The following PTN variants were observed in gnomAD, a reference collection of about 807,000 sequenced individuals.
PTN encodes heparin affin regulatory protein.
In PTN, 18 loss-of-function variants were observed where a neutral mutation model predicts 24.1. That is an observed-to-expected ratio of 0.75 (90% confidence interval 0.52 to 1.11). PTN has a LOEUF of 1.11. Among genes scored for constraint, PTN ranks in the 50% least tolerant of loss-of-function variants. PTN has a pLI of 0.00. For synonymous variants in PTN, 78 were observed against 68.6 expected (o/e 1.14, Z -0.67); for missense variants, 163 against 198.8 (o/e 0.82, Z 1.08).
intron 4 of PTN, among the ~76,000 whole-genome samples, chr7:137,231,780 A>G (rs559930735): frequency 1.3e-5 from 2 of 152,076 alleles, no homozygotes; most frequent in South Asian, 4.1e-4. Context: ...TTAAAGACAA[A>G]TATTTTATGA....
At position 137,324,337 on chromosome 7, in the gene PTN, C is replaced by T. The variant is rs939055289; in HGVS notation, c.-2+19102G>A. Among the ~76,000 whole-genome samples, 3 of 148,494 alleles carry T rather than the reference C, an allele frequency of 2.0e-5. No individual in the cohort carries two copies. The Admixed American group carries it at 2.0e-4, about 10-fold the overall frequency. ...CTAAGCCCAGGAGTGAATTCCTGGG[C>T]TCAAGCTGTAGTGTGCAATGATTAT... On this transcript the variant is annotated intron_variant, in intron 1 of 4. Transcript: ENST00000348225.
At chr7:137,329,233 G>T (rs529036656) in intron 1 of PTN, among the ~76,000 whole-genome samples, 1 of 152,290 alleles carries the variant, frequency 6.6e-6, no homozygotes, top group South Asian at 2.1e-4. Context: ...CAGCTATTAT[G>T]ACAGTATTAT....
intron 1 of PTN, among the ~76,000 whole-genome samples, chr7:137,273,154 G>C (rs1416445732): frequency 1.3e-5 from 2 of 152,210 alleles, no homozygotes; most frequent in East Asian, 3.9e-4. Flanking sequence ...CATTTGTAAG[G>C]TTTAGAACAG....
intron 1 of PTN, among the ~76,000 whole-genome samples, chr7:137,322,277 G>A (rs1362758496): frequency 6.6e-6 from 1 of 152,188 alleles, no homozygotes; most frequent in Non-Finnish European, 1.5e-5. Context: ...ATATTTGATT[G>A]AGGGAAGCAA....
In PTN at chr7:137,255,313, C is replaced by A. The variant is rs748897091; in HGVS notation, c.-1-339G>T. 4.6e-4 allele frequency among the ~76,000 whole-genome samples: 70 copies of A among 152,310 alleles called. 1 individual carries two copies. The highest frequency in any genetic ancestry group is 7.2e-4 in the Admixed American group (11 of 15,294). On this transcript the variant is annotated intron_variant, in intron 1 of 4. Coordinates refer to ENST00000348225, the MANE Select transcript of PTN (RefSeq NM_002825.7). Reference sequence around the variant, plus strand: ...AGTCCTACTGTCTTGCTGATAGCATCACTTGGTAATATCGACAACTACAGC... The same window carrying A: ...AGTCCTACTGTCTTGCTGATAGCATAACTTGGTAATATCGACAACTACAGC...
chr7:137,295,153 A>G (rs1809699578), intron 1 of PTN, among the ~76,000 whole-genome samples: 1 of 152,140 alleles, frequency 6.6e-6, no homozygotes, highest in Non-Finnish European at 1.5e-5. Flanking sequence ...AGACTCTATG[A>G]ACAGAAAAAG....
chr7:137,259,407 T>A (rs182859305), intron 1 of PTN, among the ~76,000 whole-genome samples: 1 of 152,216 alleles, frequency 6.6e-6, no homozygotes. Flanking sequence ...ACTTTTTGAG[T>A]GTCCTTGAAC....
intron 1 of PTN, among the ~76,000 whole-genome samples, chr7:137,286,395 C>A (rs1809554806): frequency 6.6e-6 from 1 of 152,206 alleles, no homozygotes; most frequent in African/African-American, 2.4e-5. Flanking sequence ...TTTCATTACA[C>A]TGAAAATCTC....
intron 1 of PTN, among the ~76,000 whole-genome samples, chr7:137,288,779 A>G (rs1809596816): frequency 6.6e-6 from 1 of 152,194 alleles, no homozygotes; most frequent in Non-Finnish European, 1.5e-5. Flanking sequence ...GTTATACATA[A>G]CGTATTCATT....
chr7:137,283,952 A>AT (rs753374720), intron 1 of PTN, among the ~76,000 whole-genome samples: 498 of 48,908 alleles, frequency 0.01, 140 homozygotes, highest in African/African-American at 0.029. Context: ...TGAGCATCAG[A>AT]TTTTTTTTTT....
In PTN at chr7:137,228,010, G is replaced by A; in HGVS notation, c.*10C>T. ...CTGATGTCCTTTTTATGTTCCACAGGTGACATCTTTTAATCCAGCATCTTC... is the reference window on the plus strand; with the variant it reads ...CTGATGTCCTTTTTATGTTCCACAGATGACATCTTTTAATCCAGCATCTTC... On this transcript the variant is annotated 3_prime_UTR_variant, in exon 5 of 5. Coordinates refer to ENST00000348225, the MANE Select transcript of PTN (RefSeq NM_002825.7). The A allele has an allele frequency of 6.2e-7, 1 of 1,608,414 alleles. No individual in the cohort carries two copies. Among genetic ancestry groups the A allele is most frequent in the Middle Eastern group, 1.7e-4 (1 of 6,020 alleles).
intron 1 of PTN, among the ~76,000 whole-genome samples, chr7:137,271,057 T>C (rs1166874741): frequency 6.6e-6 from 1 of 152,174 alleles, no homozygotes; most frequent in East Asian, 1.9e-4. Flanking sequence ...TTGATATTGT[T>C]CTCCCCATTC....
At chr7:137,278,247 C>A (rs1380153098) in intron 1 of PTN, among the ~76,000 whole-genome samples, 4 of 133,824 alleles carry the variant, frequency 3.0e-5, no homozygotes, top group African/African-American at 1.2e-4. Context: ...GCGGAGCTTG[C>A]AGTGAGCCGA....
intron 1 of PTN, among the ~76,000 whole-genome samples, chr7:137,333,395 G>A (rs1407334465): frequency 6.6e-6 from 1 of 152,206 alleles, no homozygotes; most frequent in Non-Finnish European, 1.5e-5. Context: ...TCTAGCCTGA[G>A]TGAAGATTTT....
At chr7:137,237,921 G>C (rs544114909) in intron 4 of PTN, among the ~76,000 whole-genome samples, 2 of 152,208 alleles carry the variant, frequency 1.3e-5, no homozygotes, top group East Asian at 3.9e-4. Context: ...TGAAAGCCTA[G>C]CAAGAGAAAG....
chr7:137,285,358 C>T (rs1276683826), intron 1 of PTN, among the ~76,000 whole-genome samples: 3 of 152,136 alleles, frequency 2.0e-5, no homozygotes, highest in Non-Finnish European at 4.4e-5. Context: ...CAAATTTTAA[C>T]TGAATTTAAA....
intron 1 of PTN, among the ~76,000 whole-genome samples, chr7:137,317,951 A>G (rs1239306727): frequency 6.6e-6 from 1 of 152,132 alleles, no homozygotes; most frequent in Admixed American, 6.5e-5. Flanking sequence ...TCTAGACAAG[A>G]TAGACTTGAC....
intron 1 of PTN, among the ~76,000 whole-genome samples, chr7:137,321,814 A>G (rs1204794239): frequency 1.3e-5 from 2 of 152,254 alleles, no homozygotes; most frequent in African/African-American, 4.8e-5. Flanking sequence ...ATAGCCTAGA[A>G]TTAATGTTCT....
intron 1 of PTN, chr7:137,325,264 G>A (rs1585045651): frequency 6.6e-6 from 1 of 152,252 alleles, no homozygotes; most frequent in African/African-American, 2.4e-5. Context: ...TTAAATTGGG[G>A]ATTGGAAACC....
Sources: gnomAD v4.1 joint callset for allele counts (sites outside exome capture counted in the v4.1 genomes callset) on GRCh38, gnomAD v4.1.1 for gene constraint, MANE v1.5 for transcripts, NCBI Gene and HGNC (gene_info 2026-07-23, HGNC 2026-07-21) for gene names.